ZNF385D: variants seen among roughly 807,000 people sequenced by gnomAD.
ZNF385D encodes the protein zinc finger protein 385D.
In ZNF385D, 15 loss-of-function variants were observed where a neutral mutation model predicts 35.8. The observed-to-expected ratio is 0.42, with a 90% confidence interval of 0.28 to 0.64. ZNF385D has a LOEUF of 0.64. Ranked by LOEUF, ZNF385D falls within the 30% of genes least tolerant of loss-of-function variation. The pLI is 0.23. For missense variants in ZNF385D, 474 were observed against 494.6 expected, an observed-to-expected ratio of 0.96 and a Z score of 0.39; for synonymous variants, 212 against 186.8, an observed-to-expected ratio of 1.13 and a Z score of -1.10.
At chr3:21,670,650 GCCCCCCCCCCCC>G (rs199660410) in intron 1 of ZNF385D, among the ~76,000 whole-genome samples, 41 of 4,034 alleles carry the variant, frequency 0.01, no homozygotes, top group African/African-American at 0.024. Context: ...ATCCTAAGGC[GCCCCCCCCCCCC>G]CCCCCCCCCC....
chr3:21,748,155 C>A (rs1299522415), intron 1 of ZNF385D, among the ~76,000 whole-genome samples: 7 of 152,190 alleles, frequency 4.6e-5, no homozygotes, highest in Non-Finnish European at 1.0e-4. Flanking sequence ...AAACACTGCA[C>A]TAAAATCTCA....
intron 2 of ZNF385D, among the ~76,000 whole-genome samples, chr3:22,241,031 T>C (rs528631265): frequency 8.6e-5 from 13 of 151,276 alleles, no homozygotes; most frequent in African/African-American, 1.2e-4. Context: ...TGAATGTTCA[T>C]TCAATTGAGT....
intron 2 of ZNF385D, among the ~76,000 whole-genome samples, chr3:22,180,802 A>G (rs1316633230): frequency 6.6e-6 from 1 of 152,138 alleles, no homozygotes; most frequent in Admixed American, 6.5e-5. Flanking sequence ...AATCAGAGCT[A>G]TCTACGACAA....
At chr3:22,306,783 G>T (rs552677961) in intron 2 of ZNF385D, among the ~76,000 whole-genome samples, 4 of 152,226 alleles carry the variant, frequency 2.6e-5, no homozygotes, top group African/African-American at 9.6e-5. Flanking sequence ...AGCTTTCCAG[G>T]CTAGGCTTAC....
At chr3:21,934,051 T>C (rs976644839) in intron 3 of ZNF385D, among the ~76,000 whole-genome samples, 10 of 150,558 alleles carry the variant, frequency 6.6e-5, no homozygotes, top group African/African-American at 2.4e-4. Context: ...TGCTGAAAAA[T>C]GAAAATTTAG....
chr3:22,009,107 T>G (rs1010973563), intron 3 of ZNF385D, among the ~76,000 whole-genome samples: 1 of 152,156 alleles, frequency 6.6e-6, no homozygotes, highest in East Asian at 1.9e-4. Context: ...AGAGAGCACA[T>G]TGTAATATCT....
chr3:22,257,486 C>T (rs968115826), intron 2 of ZNF385D, among the ~76,000 whole-genome samples: 1 of 151,732 alleles, frequency 6.6e-6, no homozygotes, highest in Non-Finnish European at 1.5e-5. Context: ...CTTATTCCTC[C>T]TCTACTCTGC....
At chr3:22,073,180 T>C (rs1275339464) in intron 3 of ZNF385D, among the ~76,000 whole-genome samples, 2 of 152,036 alleles carry the variant, frequency 1.3e-5, no homozygotes, top group African/African-American at 4.8e-5. Flanking sequence ...GGTCAAAATC[T>C]AGACCTTTGC....
intron 3 of ZNF385D, among the ~76,000 whole-genome samples, chr3:22,130,548 C>T (rs920657650): frequency 3.3e-5 from 5 of 152,128 alleles, no homozygotes; most frequent in Non-Finnish European, 4.4e-5. Context: ...AAATCTGCTC[C>T]GTGTTGCTTT....
intron 2 of ZNF385D, among the ~76,000 whole-genome samples, chr3:22,295,599 G>C (rs985449482): frequency 1.3e-5 from 2 of 152,094 alleles, no homozygotes; most frequent in East Asian, 3.9e-4. Context: ...ATAATGAGTG[G>C]GAACTAGTCT....
chr3:21,650,315 T>C (rs926617264), intron 2 of ZNF385D, among the ~76,000 whole-genome samples: 2 of 152,190 alleles, frequency 1.3e-5, no homozygotes, highest in Admixed American at 6.5e-5. Context: ...AATATTTCTC[T>C]TTGCTCCTGT....
chr3:22,245,022 G>C (rs1050690387), intron 2 of ZNF385D, among the ~76,000 whole-genome samples: 1 of 152,026 alleles, frequency 6.6e-6, no homozygotes, highest in Non-Finnish European at 1.5e-5. Flanking sequence ...AATTGCCAGA[G>C]AAAGTAGAAA....
intron 1 of ZNF385D, among the ~76,000 whole-genome samples, chr3:21,714,743 C>T (rs1051839529): frequency 2.6e-5 from 4 of 152,186 alleles, no homozygotes; most frequent in African/African-American, 9.7e-5. Flanking sequence ...CTCACCTTCC[C>T]TTTACAGCAA....
intron 3 of ZNF385D, among the ~76,000 whole-genome samples, chr3:22,074,883 A>G (rs367866177): frequency 3.3e-5 from 5 of 151,804 alleles, no homozygotes; most frequent in Non-Finnish European, 7.4e-5. Context: ...TCTTCATTCT[A>G]TTAATTCAGT....
chr3:21,989,398 A>T (rs569013064), intron 3 of ZNF385D, among the ~76,000 whole-genome samples: 16 of 152,174 alleles, frequency 1.1e-4, no homozygotes, highest in Non-Finnish European at 1.6e-4. Context: ...GTAGGAATAC[A>T]GTTATGATTT....
intron 2 of ZNF385D, among the ~76,000 whole-genome samples, chr3:22,224,613 G>C (rs1326780290): frequency 6.6e-6 from 1 of 152,124 alleles, no homozygotes; most frequent in African/African-American, 2.4e-5. Flanking sequence ...GTACAAGCTG[G>C]GAACCCAAGG....
chr3:22,101,411 T>A (rs17647584), intron 3 of ZNF385D, among the ~76,000 whole-genome samples: 36,018 of 151,948 alleles, frequency 0.24, 4,670 homozygotes, highest in Non-Finnish European at 0.27. Flanking sequence ...ACTGACCAGG[T>A]TCCACGTGCC....
chr3:21,776,005 C>T, intron 3 of ZNF385D, among the ~76,000 whole-genome samples: 1 of 151,598 alleles, frequency 6.6e-6, no homozygotes, highest in East Asian at 1.9e-4. Context: ...ATTGTGATGT[C>T]CATTTTTTAC....
At chr3:21,688,278 C>A (rs932350178) in intron 1 of ZNF385D, among the ~76,000 whole-genome samples, 3 of 152,072 alleles carry the variant, frequency 2.0e-5, no homozygotes, top group Non-Finnish European at 2.9e-5. Context: ...ATTTTAAATT[C>A]TGACAAGTAC....
Sources: gnomAD v4.1 joint callset for allele counts (sites outside exome capture counted in the v4.1 genomes callset) on GRCh38, gnomAD v4.1.1 for gene constraint, MANE v1.5 for transcripts, NCBI Gene and HGNC (gene_info 2026-07-23, HGNC 2026-07-21) for gene names.